The following INPP4B variants were observed in gnomAD, a reference collection of about 807,000 sequenced individuals.
INPP4B encodes inositol polyphosphate 4-phosphatase type II.
Under a neutral mutation model 122.5 loss-of-function variants are expected in INPP4B, and 55 were observed. The observed-to-expected ratio is 0.45, with a 90% CI of 0.36 to 0.56. The LOEUF is 0.56. Ranked by LOEUF, INPP4B falls within the 20% of genes least tolerant of loss-of-function variation. The pLI is 0.00. For synonymous variants in INPP4B, 403 were observed against 388.7 expected (o/e 1.04, Z -0.43); for missense variants, 1,000 against 1,097.7 (o/e 0.91, Z 1.26).
At chr4:142,042,067 C>A (rs1183750079) in intron 25 of INPP4B, among the ~76,000 whole-genome samples, 1 of 152,184 alleles carries the variant, frequency 6.6e-6, no homozygotes, top group East Asian at 1.9e-4. Flanking sequence ...CATCCATCAG[C>A]AAGTCAGACC....
chr4:142,537,419 T>TA (rs1828350998), intron 2 of INPP4B, among the ~76,000 whole-genome samples: 1 of 52,140 alleles, frequency 1.9e-5, no homozygotes, highest in African/African-American at 6.4e-5. Flanking sequence ...TATATATATA[T>TA]ATATATATAT....
At chr4:142,065,187 C>G (rs540064219) in intron 25 of INPP4B, among the ~76,000 whole-genome samples, 49 of 151,830 alleles carry the variant, frequency 3.2e-4, no homozygotes, top group South Asian at 2.3e-3. Flanking sequence ...GAGAAAGAAA[C>G]AGTAAGTGCA....
chr4:142,196,589 T>A (rs1838309760), intron 14 of INPP4B, among the ~76,000 whole-genome samples: 1 of 152,158 alleles, frequency 6.6e-6, no homozygotes, highest in Non-Finnish European at 1.5e-5. Flanking sequence ...CTTATCTTTA[T>A]CTTAGTGCTC....
chr4:142,716,756 C>A (rs769099208), intron 2 of INPP4B, among the ~76,000 whole-genome samples: 15 of 152,168 alleles, frequency 9.9e-5, no homozygotes, highest in Non-Finnish European at 1.9e-4. Context: ...GGATTTCTGG[C>A]ATATTCATTG....
rs545263664 is a variant in INPP4B at position 142,146,678 on chromosome 4, C to T, written c.1564-682G>A. Among the ~76,000 whole-genome samples, 7 of 152,270 alleles carry T rather than the reference C, an allele frequency of 4.6e-5. No individual in the cohort carries two copies. In the South Asian group the frequency reaches 1.0e-3, roughly 23 times the overall value. On this transcript the variant is annotated intron_variant, in intron 17 of 25. Coordinates refer to ENST00000262992, the MANE Select transcript of INPP4B (RefSeq NM_001101669.3). Reference sequence around the variant, plus strand: ...CAGAACAGCCCAGAAAATTAGTATGCAGATCCCTGGGTCCCACCAACTGAA... The same window carrying T: ...CAGAACAGCCCAGAAAATTAGTATGTAGATCCCTGGGTCCCACCAACTGAA...
intron 25 of INPP4B, among the ~76,000 whole-genome samples, chr4:142,072,938 T>C (rs1768407559): frequency 6.6e-6 from 1 of 152,086 alleles, no homozygotes; most frequent in African/African-American, 2.4e-5. Flanking sequence ...TCATTCCCAC[T>C]GCTAAGAAGT....
At chr4:142,034,303 A>G (rs1161463503) in intron 25 of INPP4B, among the ~76,000 whole-genome samples, 2 of 152,212 alleles carry the variant, frequency 1.3e-5, no homozygotes, top group South Asian at 2.1e-4. Context: ...TGCTACTGGC[A>G]TCTTAGCAGG....
In INPP4B at chr4:142,268,322, CAAAAAAAAA is replaced by C. The variant is rs56908599; in HGVS notation, c.615+2332_615+2340del. ...TGGGTGACAGAGCAAGACTCCGTCT[CAAAAAAAAA>C]AAAAAAAAAAAAAAATGAGGGGTAA... On this transcript the variant is annotated intron_variant, in intron 10 of 25. Coordinates refer to ENST00000262992, the MANE Select transcript of INPP4B (RefSeq NM_001101669.3). Among the ~76,000 whole-genome samples, 5 of 6,898 alleles carry C rather than the reference CAAAAAAAAA, an allele frequency of 7.2e-4. 2 individuals carry two copies. The highest frequency in any genetic ancestry group is 8.3e-4 in the Non-Finnish European group (2 of 2,410). 4.5% of individuals were successfully genotyped at this position (6,898 alleles called of 152,430 possible).
chr4:142,176,127 A>ATTATTATTG (rs1828089745), intron 15 of INPP4B, among the ~76,000 whole-genome samples: 1 of 145,482 alleles, frequency 6.9e-6, no homozygotes, highest in Non-Finnish European at 1.5e-5. Context: ...TTTTATTATT[A>ATTATTATTG]TTATTATTAT....
intron 2 of INPP4B, among the ~76,000 whole-genome samples, chr4:142,543,651 C>A (rs937113816): frequency 6.6e-6 from 1 of 152,074 alleles, no homozygotes; most frequent in African/African-American, 2.4e-5. Flanking sequence ...CATTGCACAG[C>A]ATTTTTCCTT....
intron 3 of INPP4B, among the ~76,000 whole-genome samples, chr4:142,454,375 T>G (rs1265880591): frequency 2.0e-5 from 3 of 152,146 alleles, no homozygotes; most frequent in Non-Finnish European, 4.4e-5. Flanking sequence ...TACCTCCCTA[T>G]GCACCCTCCC....
chr4:142,072,162 A>G (rs1767823142), intron 25 of INPP4B, among the ~76,000 whole-genome samples: 1 of 152,192 alleles, frequency 6.6e-6, no homozygotes, highest in Non-Finnish European at 1.5e-5. Flanking sequence ...CAGCCATAAA[A>G]AGGATGAGTT....
chr4:142,537,878 G>T (rs753523279), intron 2 of INPP4B, among the ~76,000 whole-genome samples: 11 of 151,564 alleles, frequency 7.3e-5, no homozygotes, highest in Non-Finnish European at 1.5e-4. Flanking sequence ...TTCAAATCTG[G>T]GTTTCAAAGA....
At chr4:142,629,478 G>A (rs781118022) in intron 2 of INPP4B, among the ~76,000 whole-genome samples, 14 of 152,030 alleles carry the variant, frequency 9.2e-5, no homozygotes, top group Non-Finnish European at 1.3e-4. Context: ...ATGAGATGAA[G>A]GAAACCCTAG....
intron 15 of INPP4B, among the ~76,000 whole-genome samples, chr4:142,183,110 G>C (rs1468936508): frequency 6.6e-6 from 1 of 152,174 alleles, no homozygotes; most frequent in African/African-American, 2.4e-5. Context: ...TGTTGCTGGA[G>C]TTTATAAGCC....
chr4:142,621,144 T>C (rs540585292), intron 2 of INPP4B, among the ~76,000 whole-genome samples: 1 of 151,994 alleles, frequency 6.6e-6, no homozygotes, highest in African/African-American at 2.4e-5. Flanking sequence ...TGATTCTGAT[T>C]ATTGCGTGGT....
chr4:142,638,787 C>A (rs1373164089), intron 2 of INPP4B, among the ~76,000 whole-genome samples: 1 of 152,050 alleles, frequency 6.6e-6, no homozygotes, highest in Non-Finnish European at 1.5e-5. Context: ...ACCTCGTGAT[C>A]CACCCACCTT....
At chr4:142,279,869 A>C (rs963837571) in intron 9 of INPP4B, among the ~76,000 whole-genome samples, 8 of 151,956 alleles carry the variant, frequency 5.3e-5, no homozygotes. Context: ...CTTGTATCCA[A>C]AGTATATAAA....
At chr4:142,633,045 A>T (rs1218330944) in intron 2 of INPP4B, among the ~76,000 whole-genome samples, 2 of 151,968 alleles carry the variant, frequency 1.3e-5, no homozygotes, top group Non-Finnish European at 2.9e-5. Context: ...TGAAAGCAAA[A>T]GAAGGGAAAT....
Sources: allele counts gnomAD v4.1 joint callset (sites outside exome capture counted in the v4.1 genomes callset), GRCh38; gene constraint gnomAD v4.1.1; transcripts MANE v1.5; gene names NCBI Gene and HGNC (gene_info 2026-07-23, HGNC 2026-07-21).